The following TOPBP1 variants were observed in gnomAD, a reference collection of about 807,000 sequenced individuals.
The protein encoded by TOPBP1 is DNA topoisomerase II binding protein 1.
A neutral mutation model predicts 167.7 loss-of-function variants in TOPBP1; 28 were observed. That is an observed-to-expected ratio of 0.17 (90% confidence interval 0.12 to 0.23). The LOEUF is 0.23. Among genes scored for constraint, TOPBP1 ranks in the 10% least tolerant of loss-of-function variants. The pLI is 1.00. For synonymous variants in TOPBP1, 598 were observed against 611.4 expected, an observed-to-expected ratio of 0.98 and a Z score of 0.32; for missense variants, 1,554 against 1,809.6, an observed-to-expected ratio of 0.86 and a Z score of 2.56.
At chr3:133,653,632 T>A in intron 6 of TOPBP1, 108 bp from the exon 7 acceptor site, 24 of 912,882 alleles carry the variant, frequency 2.6e-5, no homozygotes, top group South Asian at 5.6e-5. Flanking sequence ...GGTTAATATT[T>A]TTTTTTTTTT....
intron 10 of TOPBP1, among the ~76,000 whole-genome samples, chr3:133,646,925 A>G (rs969296059): frequency 1.3e-5 from 2 of 152,232 alleles, no homozygotes; most frequent in African/African-American, 2.4e-5. Flanking sequence ...CTAAATCCAG[A>G]ACATTAAGTA....
At chr3:133,630,768 G>A (rs943214291) in intron 14 of TOPBP1, among the ~76,000 whole-genome samples, 2 of 152,152 alleles carry the variant, frequency 1.3e-5, no homozygotes, top group East Asian at 3.8e-4. Context: ...TTTTAATGCT[G>A]TCAAATTCAT....
intron 14 of TOPBP1, among the ~76,000 whole-genome samples, chr3:133,631,589 G>A (rs1935482474): frequency 6.6e-6 from 1 of 152,196 alleles, no homozygotes; most frequent in Non-Finnish European, 1.5e-5. Flanking sequence ...CCTGGTGGCA[G>A]TTGACTGGAT....
intron 23 of TOPBP1, among the ~76,000 whole-genome samples, chr3:133,615,267 C>T (rs151295715): frequency 7.0e-4 from 106 of 152,106 alleles, no homozygotes; most frequent in African/African-American, 2.3e-3. Flanking sequence ...GTCAGCAGTT[C>T]GAGACCAGCC....
intron 17 of TOPBP1, 100 bp from the exon 18 acceptor site, chr3:133,623,557 T>G (rs1403852002): frequency 7.7e-7 from 1 of 1,304,468 alleles, no homozygotes; most frequent in East Asian, 2.7e-5. Context: ...TACTGTAATA[T>G]GGCAAAAAGT....
chr3:133,605,580 A>C (rs999916387), intron 27 of TOPBP1, among the ~76,000 whole-genome samples: 2 of 152,276 alleles, frequency 1.3e-5, no homozygotes, highest in African/African-American at 4.8e-5. Context: ...AGTTAACCCC[A>C]ATTAATGATG....
At chr3:133,638,940 A>C (rs1935772142) in intron 13 of TOPBP1, among the ~76,000 whole-genome samples, 1 of 152,190 alleles carries the variant, frequency 6.6e-6, no homozygotes. Context: ...CCATTATAAC[A>C]CTGAGGTAAG....
At chr3:133,627,138 A>G (rs1935295811) in intron 16 of TOPBP1, among the ~76,000 whole-genome samples, 1 of 152,238 alleles carries the variant, frequency 6.6e-6, no homozygotes, top group Non-Finnish European at 1.5e-5. Flanking sequence ...AAGATTTAAT[A>G]TAAACTTTAA....
intron 16 of TOPBP1, among the ~76,000 whole-genome samples, chr3:133,626,750 A>G (rs528031238): frequency 6.6e-6 from 1 of 152,280 alleles, no homozygotes; most frequent in East Asian, 1.9e-4. Context: ...AACTGAACAT[A>G]TATCTTTTCT....
chr3:133,652,483 C>G lies in TOPBP1; in HGVS notation c.1069G>C (p.Asp357His), dbSNP rs759416648. ...CGTACCCGACAACCATCTAATAAAT[C>G]TTCAGGTGCTTGAAATGCACTGACA... is the stretch of plus-strand genomic sequence containing the variant. ...LDVSAFQAPE[D>H]LLDGCRIYLC... Residue 357 changes from aspartate to histidine, a missense_variant, in exon 8 of 28, where the codon GAT (aspartate) becomes CAT (histidine). Transcript: ENST00000260810. 9 of 1,611,788 alleles carry G rather than the reference C, an allele frequency of 5.6e-6. No homozygotes were observed. The highest frequency in any genetic ancestry group is 7.6e-6 in the Non-Finnish European group (9 of 1,179,818).
At chr3:133,631,739 G>A (rs535772111) in intron 14 of TOPBP1, among the ~76,000 whole-genome samples, 1 of 152,278 alleles carries the variant, frequency 6.6e-6, no homozygotes, top group East Asian at 1.9e-4. Context: ...CCTGGTTCAA[G>A]TGATTCTCTT....
chr3:133,605,198 C>CAA (rs76623187), intron 27 of TOPBP1, among the ~76,000 whole-genome samples: 2 of 104,638 alleles, frequency 1.9e-5, no homozygotes, highest in African/African-American at 7.1e-5. Flanking sequence ...GACCGTGTCT[C>CAA]AAAAAAAAAA....
Position 133,618,430 on chromosome 3 carries a change from C to A in TOPBP1, c.3375G>T (p.Gln1125His), listed in dbSNP as rs780434403. ...GRSRVLEALR[Q>H]SRQTVPDVNT... ...TGACATCAGGTACTGTCTGACGAGA[C>A]TGCCTAAGGAATAGAAGTGACAGTT... Residue 1125 changes from glutamine (Q) to histidine (H), a missense_variant, in exon 21 of 28, where the codon CAG becomes CAT. Coordinates refer to ENST00000260810, the MANE Select transcript of TOPBP1 (RefSeq NM_007027.4). 6.2e-7 allele frequency: 1 copy of A among 1,613,096 alleles called. No individual in the cohort carries two copies. The highest frequency in any genetic ancestry group is 8.5e-7 in the Non-Finnish European group (1 of 1,179,188).
In TOPBP1 at chr3:133,640,083, A is replaced by T; in HGVS notation, c.2109T>A (p.Ser703=). The part of the protein sequence containing the change: ...THLILKERGG[S]KYEAAKKWNL... Reference sequence around the variant, plus strand: ...TCCACTTCTTTGCAGCTTCATATTTAGAGCCACCACGTTCTTTCAGTATAA... The same window carrying T: ...TCCACTTCTTTGCAGCTTCATATTTTGAGCCACCACGTTCTTTCAGTATAA... The change falls in exon 13 of 28, where the codon TCT becomes TCA. Residue 703 remains serine, a synonymous_variant. Transcript: ENST00000260810. 6.2e-7 allele frequency: 1 copy of T among 1,613,880 alleles called. No individual in the cohort carries two copies. Among genetic ancestry groups the T allele is most frequent in the South Asian group, 1.1e-5 (1 of 91,086 alleles).
rs578245617 is a variant in TOPBP1, at chr3:133,618,602, T to TA, written c.3372-170dup. Among the ~76,000 whole-genome samples, 178 of 151,860 alleles carry TA rather than the reference T, an allele frequency of 1.2e-3. 1 individual carries two copies. The highest frequency in any genetic ancestry group is 6.8e-3 in the Middle Eastern group (2 of 294). Reference sequence around the variant, plus strand: ...TGAACCTAGGGACATTTTTTTTTTTTAAAAAGGTTTAAGGTTTCTTCCAGA... The same window carrying TA: ...TGAACCTAGGGACATTTTTTTTTTTTAAAAAAGGTTTAAGGTTTCTTCCAGA... On this transcript the variant is annotated intron_variant, in intron 20 of 27. Coordinates refer to ENST00000260810, the MANE Select transcript of TOPBP1 (RefSeq NM_007027.4).
At chr3:133,649,249 T>G in intron 10 of TOPBP1, 134 bp downstream of exon 10, 1 of 1,250,922 alleles carries the variant, frequency 8.0e-7, no homozygotes, top group Non-Finnish European at 1.1e-6. Context: ...AAAAAAGTTA[T>G]GAGGAAAATT....
chr3:133,617,985 C>A, intron 21 of TOPBP1: 3 of 488,560 alleles, frequency 6.1e-6, no homozygotes, highest in South Asian at 2.4e-5. Flanking sequence ...AAAAAAACGC[C>A]CAATTCTAAA....
At chr3:133,658,181 A>T (rs1936546984) in intron 3 of TOPBP1, among the ~76,000 whole-genome samples, 1 of 152,230 alleles carries the variant, frequency 6.6e-6, no homozygotes, top group Admixed American at 6.5e-5. Flanking sequence ...AATAAACTTC[A>T]GGCCAGGCAC....
chr3:133,638,171 T>G lies in TOPBP1; in HGVS notation c.2234-9A>C. On this transcript the variant is annotated splice_polypyrimidine_tract_variant and intron_variant, in intron 13 of 27. Coordinates refer to ENST00000260810, the MANE Select transcript of TOPBP1 (RefSeq NM_007027.4). ...TGTTTCCAAACTTCGTTCTAGAGAT[T>G]TAAAATGAAAAGAAACAAATATGAG... The G allele has an allele frequency of 1.2e-6, 2 of 1,609,982 alleles. No homozygotes were observed. The highest frequency in any genetic ancestry group is 4.5e-5 in the East Asian group (2 of 44,824).
Sources: gnomAD v4.1 joint callset for allele counts (sites outside exome capture counted in the v4.1 genomes callset) on GRCh38, gnomAD v4.1.1 for gene constraint, MANE v1.5 for transcripts, NCBI Gene and HGNC (gene_info 2026-07-23, HGNC 2026-07-21) for gene names.